CCDC136: variants seen among roughly 807,000 people sequenced by gnomAD.
CCDC136 encodes the protein coiled-coil domain-containing protein 136.
CCDC136 carries 100 observed loss-of-function variants against 141.2 expected under a neutral mutation model. The ratio of observed to expected loss-of-function variants is 0.71; its 90% CI spans 0.60 to 0.84. The LOEUF (loss-of-function observed/expected upper bound fraction) is 0.84, where lower values mean the gene tolerates loss of function less well. Ranked by LOEUF, CCDC136 falls within the 40% of genes least tolerant of loss-of-function variation. The pLI is 0.00. For synonymous variants in CCDC136, 474 were observed against 531.9 expected (o/e 0.89, Z 1.50); for missense variants, 1,206 against 1,379.4 (o/e 0.87, Z 1.99).
At position 128,817,068 on chromosome 7, in the gene CCDC136, C is replaced by G. The variant is rs1322793523; in HGVS notation, c.3364-690C>G. Among the ~76,000 whole-genome samples the G allele has an allele frequency of 6.6e-6, 1 of 152,226 alleles. No homozygotes were observed. The highest frequency in any genetic ancestry group is 2.4e-5 in the African/African-American group (1 of 41,452). ...ACAGATGTCTTTACCTTCGGTGCCA[C>G]ATTTCTAAAGCTAGACCTGATTTTT... On this transcript the variant is annotated intron_variant, in intron 16 of 17. Coordinates refer to ENST00000297788, the MANE Select transcript of CCDC136 (RefSeq NM_022742.5). The surrounding 1 kb of genome is among the most constrained non-coding windows in gnomAD (Gnocchi z 4.6).
At chr7:128,811,263 T>G in intron 12 of CCDC136, 1 of 456,180 alleles carries the variant, frequency 2.2e-6, no homozygotes, top group South Asian at 1.6e-5. Flanking sequence ...ACTGATCAGA[T>G]CTCATCCTGG....
intron 10 of CCDC136, chr7:128,808,868 A>G: frequency 1.0e-6 from 1 of 985,450 alleles, no homozygotes; most frequent in Non-Finnish European, 1.2e-6. Flanking sequence ...GCCGTAAAAC[A>G]GCATTGAGAT....
intron 7 of CCDC136, 123 bp downstream of exon 7, chr7:128,806,024 C>A: frequency 8.2e-7 from 1 of 1,222,700 alleles, no homozygotes. Flanking sequence ...TGCAACTGGG[C>A]ACAGTCTGCT....
chr7:128,806,425 T>G (rs750025792), intron 8 of CCDC136, 30 bp downstream of exon 8: 3 of 1,575,950 alleles, frequency 1.9e-6, no homozygotes, highest in Non-Finnish European at 1.7e-6. Flanking sequence ...AGGGGACAAC[T>G]TAGGTGCTAA....
chr7:128,810,398 T>C, intron 12 of CCDC136, 32 bp downstream of exon 12: 7 of 1,490,394 alleles, frequency 4.7e-6, no homozygotes, highest in Non-Finnish European at 6.5e-6. Context: ...GAGACAGTTC[T>C]CCTGAGCACA....
intron 4 of CCDC136, among the ~76,000 whole-genome samples, chr7:128,802,811 A>C (rs1804246456): frequency 6.6e-6 from 1 of 152,186 alleles, no homozygotes; most frequent in African/African-American, 2.4e-5. Flanking sequence ...TAAATCTAAA[A>C]CTATTCTAAA....
At chr7:128,800,462 T>C (rs1028542882) in intron 3 of CCDC136, among the ~76,000 whole-genome samples, 4 of 150,676 alleles carry the variant, frequency 2.7e-5, no homozygotes, top group African/African-American at 7.3e-5. Flanking sequence ...GGCTTTCTTT[T>C]TTTTTTTTTT....
In CCDC136 at chr7:128,812,703, C is replaced by T. The variant is rs200086266; in HGVS notation, c.2542-5C>T. 1.0e-3 allele frequency: 1,635 copies of T among 1,609,848 alleles called. 2 individuals carry two copies. The highest frequency in any genetic ancestry group is 1.4e-3 in the Admixed American group (84 of 59,774). On this transcript the variant is annotated splice_polypyrimidine_tract_variant and splice_region_variant and intron_variant, in intron 13 of 17. Coordinates refer to ENST00000297788, the MANE Select transcript of CCDC136 (RefSeq NM_022742.5). ...GTGCTATTGTTGCTCCCCCACCCCCCGCAGCGCTTTGAGGAAATGGTTGTG... is the reference window on the plus strand; with the variant it reads ...GTGCTATTGTTGCTCCCCCACCCCCTGCAGCGCTTTGAGGAAATGGTTGTG...
chr7:128,818,475 G>A (rs905636670), intron 17 of CCDC136, among the ~76,000 whole-genome samples: 2 of 152,182 alleles, frequency 1.3e-5, no homozygotes, highest in Non-Finnish European at 2.9e-5. Flanking sequence ...TCTTTCTACT[G>A]AACAGTTCTC....
rs1804706530 is a variant in CCDC136, at chr7:128,805,578, T to G, written c.948+54T>G. ...CACATTTCTTGTCTTTCTTTCACCT[T>G]CTCCCAGCCTGTGGTAGAAACATCT... is the stretch of plus-strand genomic sequence containing the variant. On this transcript the variant is annotated intron_variant, in intron 6 of 17. Coordinates refer to ENST00000297788, the MANE Select transcript of CCDC136 (RefSeq NM_022742.5). The surrounding 1 kb of genome is among the most constrained non-coding windows in gnomAD (Gnocchi z 4.6). 1 of 1,560,870 alleles carries G rather than the reference T, an allele frequency of 6.4e-7. No homozygotes were observed. The highest frequency in any genetic ancestry group is 1.4e-5 in the African/African-American group (1 of 73,810).
chr7:128,804,997 C>G (rs1348909123), intron 5 of CCDC136, among the ~76,000 whole-genome samples: 1 of 152,178 alleles, frequency 6.6e-6, no homozygotes, highest in Non-Finnish European at 1.5e-5. Flanking sequence ...GCTCTAGGCA[C>G]TGGGTTCTGG....
chr7:128,820,127 C>G (rs1385110120), intron 17 of CCDC136, among the ~76,000 whole-genome samples: 1 of 152,192 alleles, frequency 6.6e-6, no homozygotes, highest in African/African-American at 2.4e-5. Flanking sequence ...ACATCATCTA[C>G]AGGGGTGGCA....
chr7:128,799,254 G>C (rs1803609634), intron 3 of CCDC136, among the ~76,000 whole-genome samples: 1 of 150,486 alleles, frequency 6.6e-6, no homozygotes, highest in Non-Finnish European at 1.5e-5. Context: ...TGAGGAGGGA[G>C]GATTGCTTGA....
intron 16 of CCDC136, 129 bp downstream of exon 16, chr7:128,816,060 C>G: frequency 1.2e-6 from 1 of 847,498 alleles, no homozygotes; most frequent in Non-Finnish European, 1.8e-6. Context: ...AAGGCACAAC[C>G]CTTCGGGGAG....
chr7:128,799,880 G>A (rs1803724925), intron 3 of CCDC136, among the ~76,000 whole-genome samples: 1 of 152,050 alleles, frequency 6.6e-6, no homozygotes, highest in African/African-American at 2.4e-5. Context: ...ATCCCAGATG[G>A]GTACATGTGT....
rs573700219 is a variant in CCDC136, at chr7:128,794,571, G to A, written c.240G>A (p.Gly80=). ...TGGAGGAGACCCGGGAACTGGCAGG[G>A]CAGCATGAGGATGACTCCTTGGAGC... ...AELEETRELA[G]QHEDDSLELQ... Residue 80 remains glycine, a synonymous_variant, in exon 2 of 18, where the codon GGG becomes GGA. Transcript: ENST00000297788. The surrounding 1 kb of genome is among the most constrained non-coding windows in gnomAD (Gnocchi z 4.3). The A allele has an allele frequency of 1.1e-5, 17 of 1,556,898 alleles. No individual in the cohort carries two copies. The highest frequency in any genetic ancestry group is 1.4e-5 in the Non-Finnish European group (16 of 1,150,306).
Position 128,807,070 on chromosome 7 carries a change from C to A in CCDC136, c.1419+212C>A, listed in dbSNP as rs75287954. On this transcript the variant is annotated intron_variant, in intron 9 of 17. Transcript: ENST00000297788. ...GAAAAGCAGCATATAAAAAGGAAGTCCCTTTGCCTCCCCACCTCCCAAAAA... is the reference window on the plus strand; with the variant it reads ...GAAAAGCAGCATATAAAAAGGAAGTACCTTTGCCTCCCCACCTCCCAAAAA... Among the ~76,000 whole-genome samples the A allele has an allele frequency of 7.2e-3, 1,099 of 152,260 alleles. 8 individuals are homozygous for A. Among genetic ancestry groups the A allele is most frequent in the South Asian group, 0.031 (148 of 4,824 alleles).
In CCDC136 at chr7:128,801,458, A is replaced by G; in HGVS notation, c.619A>G (p.Ser207Gly). The change falls in exon 4 of 18, where the codon AGC (serine) becomes GGC (glycine). Residue 207 changes from serine to glycine, a missense_variant. Transcript: ENST00000297788. ...CCTCCGTGCAGAAATGGAAATGAAG[A>G]GCTCTGAACCATCCGGTAGTTTAGG... ...ASLRAEMEMK[S>G]SEPSGSLGLS... The G allele has an allele frequency of 6.2e-7, 1 of 1,612,470 alleles. No individual in the cohort carries two copies.
At chr7:128,809,392 A>T (rs1301588844) in intron 10 of CCDC136, 58 bp from the exon 11 acceptor site, 1 of 1,221,212 alleles carries the variant, frequency 8.2e-7, no homozygotes, top group East Asian at 2.6e-5. Context: ...TCTGTTAGCC[A>T]CCCAAGAAGC....
Sources: gnomAD v4.1 joint callset for allele counts (sites outside exome capture counted in the v4.1 genomes callset) on GRCh38, gnomAD v4.1.1 for gene constraint, Gnocchi (gnomAD v3.1) non-coding constraint, MANE v1.5 for transcripts, NCBI Gene and HGNC (gene_info 2026-07-23, HGNC 2026-07-21) for gene names.